The following UBE2E2 variants were observed in gnomAD, a reference collection of about 807,000 sequenced individuals.
UBE2E2 encodes ubiquitin conjugating enzyme E2 E2.
In UBE2E2, 6 loss-of-function variants were observed where a neutral mutation model predicts 24.7. That is an observed-to-expected ratio of 0.24 (90% CI 0.13 to 0.48). The LOEUF (loss-of-function observed/expected upper bound fraction) is 0.48. Ranked by LOEUF, UBE2E2 falls within the 20% of genes least tolerant of loss-of-function variation. The probability of loss-of-function intolerance (pLI) is 0.99; values close to 1 mark genes in which losing one functional copy is unlikely to be tolerated. For missense variants in UBE2E2, 169 were observed against 245.0 expected (o/e 0.69, Z 2.07); for synonymous variants, 104 against 83.6 (o/e 1.24, Z -1.33).
chr3:23,536,104 T>C (rs1398328068), intron 5 of UBE2E2, among the ~76,000 whole-genome samples: 1 of 152,258 alleles, frequency 6.6e-6, no homozygotes, highest in Non-Finnish European at 1.5e-5. Context: ...AAGTTCTATT[T>C]GGTTTCATCT....
chr3:23,558,289 A>G (rs1695838613), intron 5 of UBE2E2, among the ~76,000 whole-genome samples: 1 of 152,222 alleles, frequency 6.6e-6, no homozygotes, highest in South Asian at 2.1e-4. Flanking sequence ...CTATAAGTAT[A>G]GGGTGAAAGT....
chr3:23,519,891 C>T (rs1694824882), intron 4 of UBE2E2, among the ~76,000 whole-genome samples: 2 of 151,890 alleles, frequency 1.3e-5, no homozygotes, highest in African/African-American at 2.4e-5. Flanking sequence ...ACCATGTTGC[C>T]CACGCAGGTC....
intron 3 of UBE2E2, among the ~76,000 whole-genome samples, chr3:23,351,802 G>A (rs373889094): frequency 1.0e-3 from 154 of 152,086 alleles, no homozygotes; most frequent in East Asian, 2.9e-3. Context: ...TTAACACCCC[G>A]CTGTCAACAT....
At chr3:23,435,171 A>G (rs895671059) in intron 3 of UBE2E2, among the ~76,000 whole-genome samples, 3 of 152,228 alleles carry the variant, frequency 2.0e-5, no homozygotes, top group Non-Finnish European at 4.4e-5. Flanking sequence ...TTGAACTTAC[A>G]CACTTGAAAT....
At chr3:23,252,994 A>T (rs1324326224) in intron 3 of UBE2E2, among the ~76,000 whole-genome samples, 2 of 152,228 alleles carry the variant, frequency 1.3e-5, no homozygotes, top group African/African-American at 4.8e-5. Context: ...AAGAATATGT[A>T]AGAAGCATTT....
intron 2 of UBE2E2, among the ~76,000 whole-genome samples, chr3:23,215,427 A>G (rs1433161219): frequency 2.0e-5 from 3 of 152,146 alleles, no homozygotes; most frequent in Non-Finnish European, 2.9e-5. Flanking sequence ...TTGAGGCACA[A>G]TAGATCAAAT....
intron 3 of UBE2E2, among the ~76,000 whole-genome samples, chr3:23,479,577 CTCTTTCAG>C (rs1413348708): frequency 3.3e-5 from 5 of 152,300 alleles, no homozygotes; most frequent in Middle Eastern, 3.4e-3. Context: ...TGTATTACAG[CTCTTTCAG>C]TCTCACCATT....
chr3:23,278,523 T>G (rs968366672), intron 3 of UBE2E2, among the ~76,000 whole-genome samples: 2 of 152,098 alleles, frequency 1.3e-5, no homozygotes, highest in African/African-American at 4.8e-5. Flanking sequence ...AGAGTTACTT[T>G]GAGGAGTTTT....
chr3:23,417,646 T>C (rs913835189), intron 3 of UBE2E2, among the ~76,000 whole-genome samples: 1 of 152,192 alleles, frequency 6.6e-6, no homozygotes, highest in Non-Finnish European at 1.5e-5. Flanking sequence ...CTGCTGAAGC[T>C]GCACCCACAG....
chr3:23,397,127 G>A (rs1042230528), intron 3 of UBE2E2, among the ~76,000 whole-genome samples: 3 of 152,108 alleles, frequency 2.0e-5, no homozygotes, highest in African/African-American at 7.2e-5. Context: ...ATGATCGATC[G>A]TGCTACAGTT....
intron 2 of UBE2E2, among the ~76,000 whole-genome samples, chr3:23,209,364 G>A (rs2055154): frequency 0.58 from 88,695 of 151,888 alleles, 26,328 homozygotes; most frequent in South Asian, 0.68. Flanking sequence ...ATCTTGATAC[G>A]GATTTTCTCT....
At chr3:23,348,539 A>G (rs1695629140) in intron 3 of UBE2E2, among the ~76,000 whole-genome samples, 1 of 152,146 alleles carries the variant, frequency 6.6e-6, no homozygotes, top group African/African-American at 2.4e-5. Flanking sequence ...TTTTTACCTA[A>G]CAAAAAGCAT....
At chr3:23,551,286 C>G (rs1447353491) in intron 5 of UBE2E2, among the ~76,000 whole-genome samples, 1 of 152,048 alleles carries the variant, frequency 6.6e-6, no homozygotes, top group African/African-American at 2.4e-5. Flanking sequence ...AAAGGGCAAC[C>G]TTTTAAGTTA....
At chr3:23,385,087 C>T (rs1453850845) in intron 3 of UBE2E2, among the ~76,000 whole-genome samples, 1 of 152,200 alleles carries the variant, frequency 6.6e-6, no homozygotes, top group African/African-American at 2.4e-5. Context: ...CACACTACCA[C>T]ACCTGGCCAA....
chr3:23,358,122 T>C (rs968082079), intron 3 of UBE2E2, among the ~76,000 whole-genome samples: 1 of 152,208 alleles, frequency 6.6e-6, no homozygotes, highest in African/African-American at 2.4e-5. Flanking sequence ...CATGAGCCAC[T>C]GTGCCTGGCC....
chr3:23,428,539 A>G (rs974587353), intron 3 of UBE2E2, among the ~76,000 whole-genome samples: 1 of 152,194 alleles, frequency 6.6e-6, no homozygotes, highest in Non-Finnish European at 1.5e-5. Context: ...AAGAAATTTA[A>G]GAATTAGTGT....
chr3:23,490,561 A>G (rs974132389), intron 3 of UBE2E2, among the ~76,000 whole-genome samples: 5 of 152,166 alleles, frequency 3.3e-5, no homozygotes, highest in African/African-American at 1.2e-4. Flanking sequence ...GTATCCACAC[A>G]TTGGGAAAAT....
chr3:23,319,082 A>G (rs576674210), intron 3 of UBE2E2, among the ~76,000 whole-genome samples: 2 of 152,326 alleles, frequency 1.3e-5, no homozygotes, highest in Admixed American at 1.3e-4. Flanking sequence ...TTTACTTTAT[A>G]GGCAGTAAAG....
chr3:23,538,042 C>T (rs919027069), intron 5 of UBE2E2, among the ~76,000 whole-genome samples: 9 of 152,174 alleles, frequency 5.9e-5, no homozygotes, highest in South Asian at 2.1e-4. Flanking sequence ...AGAACAATTT[C>T]TTTAACTGAA....
Sources: allele counts gnomAD v4.1 joint callset (sites outside exome capture counted in the v4.1 genomes callset), GRCh38; gene constraint gnomAD v4.1.1; transcripts MANE v1.5; gene names NCBI Gene and HGNC (gene_info 2026-07-23, HGNC 2026-07-21).